CXCL13: variants seen among roughly 807,000 people sequenced by gnomAD.
CXCL13 encodes the protein C-X-C motif chemokine ligand 13.
In CXCL13, 7 loss-of-function variants were observed where a neutral mutation model predicts 12.2. That is an observed-to-expected ratio of 0.57 (90% CI 0.33 to 1.07). The LOEUF is 1.07. CXCL13 is among the 50% of genes least tolerant of loss of function. The pLI is 0.04. For missense variants in CXCL13, 113 were observed against 127.4 expected (o/e 0.89, Z 0.55); for synonymous variants, 47 against 42.4 (o/e 1.11, Z -0.42).
chr4:77,520,164 A>C (rs565844488), intron 1 of CXCL13, among the ~76,000 whole-genome samples: 1 of 152,194 alleles, frequency 6.6e-6, no homozygotes, highest in Admixed American at 6.5e-5. Flanking sequence ...CTCCAGCTTC[A>C]TTCTTTTGGC....
At chr4:77,530,732 G>A (rs1429916675) in intron 1 of CXCL13, among the ~76,000 whole-genome samples, 2 of 152,110 alleles carry the variant, frequency 1.3e-5, no homozygotes, top group African/African-American at 2.4e-5. Flanking sequence ...CCAGCTCCTG[G>A]ATTCATTGAT....
At chr4:77,596,896 G>T (rs1425880666) in intron 1 of CXCL13, among the ~76,000 whole-genome samples, 2 of 152,124 alleles carry the variant, frequency 1.3e-5, no homozygotes, top group African/African-American at 4.8e-5. Flanking sequence ...TAGCCAAGAC[G>T]TGGGAATGAC....
intron 1 of CXCL13, among the ~76,000 whole-genome samples, chr4:77,599,417 G>T (rs1426895570): frequency 6.6e-6 from 1 of 152,028 alleles, no homozygotes; most frequent in Admixed American, 6.6e-5. Flanking sequence ...ATAATGACAA[G>T]AAAAAAATCT....
At chr4:77,582,626 A>G (rs1726366210) in intron 1 of CXCL13, among the ~76,000 whole-genome samples, 1 of 152,218 alleles carries the variant, frequency 6.6e-6, no homozygotes, top group African/African-American at 2.4e-5. Flanking sequence ...GATAAATCAG[A>G]CGGGATCTTG....
At chr4:77,542,142 A>G (rs1355564934) in intron 1 of CXCL13, among the ~76,000 whole-genome samples, 4 of 152,164 alleles carry the variant, frequency 2.6e-5, no homozygotes, top group African/African-American at 7.2e-5. Context: ...GTATAGAATC[A>G]TATCATCAGA....
intron 1 of CXCL13, among the ~76,000 whole-genome samples, chr4:77,528,495 T>C (rs533999980): frequency 1.8e-4 from 27 of 152,342 alleles, no homozygotes; most frequent in African/African-American, 6.3e-4. Context: ...TGGTATCTCA[T>C]TGTGGTTTTG....
rs1489089184 is a variant in CXCL13, at chr4:77,605,930, G to A, written c.64+1G>A. The A allele has an allele frequency of 6.3e-7, 1 of 1,592,074 alleles. No individual in the cohort carries two copies. The highest frequency in any genetic ancestry group is 8.6e-7 in the Non-Finnish European group (1 of 1,164,434). ...GTCAGCAGCCTCTCTCCAGTCCAAG[G>A]TGAGAAATTTCATTTACATTTCACT... On this transcript the variant is annotated splice_donor_variant, in intron 1 of 3. Transcript: ENST00000682537. LOFTEE classifies it high-confidence loss of function.
In CXCL13 at chr4:77,571,290, A is replaced by G. The variant is rs985751338; in HGVS notation, c.-42-34534A>G. On this transcript the variant is annotated intron_variant, in intron 1 of 4. Coordinates refer to the CXCL13 transcript ENST00000286758. ...GAGAGTCTTTATGTCTAGCTCAGGG[A>G]TTGTAAATACACCAATCAGCACCCT... is the stretch of plus-strand genomic sequence containing the variant. Among the ~76,000 whole-genome samples the G allele has an allele frequency of 2.7e-5, 4 of 150,444 alleles. 1 individual carries two copies. Among genetic ancestry groups the G allele is most frequent in the African/African-American group, 9.9e-5 (4 of 40,576 alleles).
chr4:77,595,840 G>C (rs1487723936), intron 1 of CXCL13, among the ~76,000 whole-genome samples: 3 of 152,132 alleles, frequency 2.0e-5, no homozygotes, highest in Non-Finnish European at 4.4e-5. Context: ...AGAGCAGTTA[G>C]AGGGAAGGAC....
chr4:77,555,880 GC>G (rs1560524943), intron 1 of CXCL13, among the ~76,000 whole-genome samples: 1 of 152,106 alleles, frequency 6.6e-6, no homozygotes, highest in Non-Finnish European at 1.5e-5. Flanking sequence ...AACATTTTCA[GC>G]CATAAAGTTA....
At chr4:77,559,856 A>G (rs1345176495) in intron 1 of CXCL13, among the ~76,000 whole-genome samples, 3 of 145,532 alleles carry the variant, frequency 2.1e-5, no homozygotes, top group African/African-American at 5.2e-5. Flanking sequence ...TGGGACACGG[A>G]GCTTGCAGTG....
At chr4:77,559,098 A>G (rs993912532) in intron 1 of CXCL13, among the ~76,000 whole-genome samples, 9 of 152,172 alleles carry the variant, frequency 5.9e-5, no homozygotes, top group Non-Finnish European at 2.9e-5. Context: ...CAACTAAACA[A>G]CCATCTCACG....
chr4:77,513,785 C>T (rs1012176032), intron 1 of CXCL13, among the ~76,000 whole-genome samples: 25 of 150,784 alleles, frequency 1.7e-4, no homozygotes, highest in South Asian at 6.4e-4. Context: ...TCCATTCTAA[C>T]TGGTGTGAGA....
intron 1 of CXCL13, among the ~76,000 whole-genome samples, chr4:77,530,379 G>A (rs1481945058): frequency 6.6e-6 from 1 of 152,158 alleles, no homozygotes; most frequent in Non-Finnish European, 1.5e-5. Context: ...ACCTCTGGTA[G>A]AACTCGGCTG....
intron 1 of CXCL13, among the ~76,000 whole-genome samples, chr4:77,551,648 G>A (rs1183454999): frequency 6.6e-6 from 1 of 152,172 alleles, no homozygotes; most frequent in African/African-American, 2.4e-5. Context: ...TCTCTAGCAA[G>A]ATAAGGGAAA....
intron 1 of CXCL13, among the ~76,000 whole-genome samples, chr4:77,516,878 T>G (rs528382966): frequency 6.6e-6 from 1 of 152,350 alleles, no homozygotes; most frequent in East Asian, 1.9e-4. Context: ...CTTGCTTTTC[T>G]ACTTCTTTTA....
Position 77,566,087 on chromosome 4 carries a change from G to C in CXCL13, c.-42-39737G>C, listed in dbSNP as rs757569149. ...AGACTAATGATTCAGATGATCCTCT[G>C]TATAATTCAGTTCAAGTTTGGTGAT... On this transcript the variant is annotated intron_variant, in intron 1 of 4. Transcript: ENST00000286758. Among the ~76,000 whole-genome samples, 3 of 152,116 alleles carry C rather than the reference G, an allele frequency of 2.0e-5. No homozygotes were observed. In the East Asian group the frequency reaches 5.8e-4, roughly 29 times the overall value.
chr4:77,564,293 A>G (rs1005063902), intron 1 of CXCL13, among the ~76,000 whole-genome samples: 5 of 152,178 alleles, frequency 3.3e-5, no homozygotes, highest in African/African-American at 1.2e-4. Context: ...GAGTGGGAGG[A>G]AAGCCGTGGT....
intron 1 of CXCL13, among the ~76,000 whole-genome samples, chr4:77,586,370 G>C (rs1381915458): frequency 1.3e-5 from 2 of 152,086 alleles, no homozygotes; most frequent in Non-Finnish European, 2.9e-5. Flanking sequence ...CTTAAAATCG[G>C]TATGTTGGCA....
Sources: gnomAD v4.1 joint callset for allele counts (sites outside exome capture counted in the v4.1 genomes callset) on GRCh38, gnomAD v4.1.1 for gene constraint, MANE v1.5 for transcripts, NCBI Gene and HGNC (gene_info 2026-07-23, HGNC 2026-07-21) for gene names.